Variants in F8 observed in about 807,000 individuals in gnomAD.
The protein encoded by F8 is antihemophilic factor.
A neutral mutation model predicts 140.6 loss-of-function variants in F8; 12 were observed. That is an observed-to-expected ratio of 0.09 (90% CI 0.05 to 0.14). The LOEUF (loss-of-function observed/expected upper bound fraction) is 0.14, where lower values mean the gene tolerates loss of function less well. Ranked by LOEUF, F8 falls within the 10% of genes least tolerant of loss-of-function variation. F8 has a pLI of 1.00. For missense variants in F8, 1,354 were observed against 1,720.7 expected (o/e 0.79, Z 3.77); for synonymous variants, 585 against 614.6 (o/e 0.95, Z 0.71).
chrX:154,899,775 T>C, intron 21 of F8, 91 bp downstream of exon 21: 3 of 876,963 alleles, frequency 3.4e-6, no homozygotes, highest in South Asian at 2.1e-5. Flanking sequence ...AGTTTTCTCA[T>C]ATTCATAGAA....
chrX:154,961,537 T>C (rs1245421101), intron 9 of F8, among the ~76,000 whole-genome samples: 1 of 112,231 alleles, frequency 8.9e-6, no homozygotes, highest in Non-Finnish European at 1.9e-5. Flanking sequence ...TTCTTTGTAT[T>C]ATTGTTTATT....
At chrX:154,922,609 C>T (rs1464863628) in intron 14 of F8, among the ~76,000 whole-genome samples, 1 of 112,158 alleles carries the variant, frequency 8.9e-6, no homozygotes, top group African/African-American at 3.2e-5. Context: ...GAAAGCCTCA[C>T]TGATAAAATG....
chrX:154,927,387 T>G (rs2073166710), intron 14 of F8, among the ~76,000 whole-genome samples: 1 of 111,786 alleles, frequency 8.9e-6, no homozygotes, highest in African/African-American at 3.3e-5. Context: ...GGAGCAACAT[T>G]TTTTATGAAG....
At chrX:154,857,193 C>T (rs2072657017) in intron 25 of F8, among the ~76,000 whole-genome samples, 1 of 111,799 alleles carries the variant, frequency 8.9e-6, no homozygotes, top group African/African-American at 3.3e-5. Flanking sequence ...GAATGCTTAG[C>T]CACAGACCAC....
chrX:154,945,216 A>T (rs915949600), intron 13 of F8, among the ~76,000 whole-genome samples: 2 of 111,316 alleles, frequency 1.8e-5, no homozygotes, highest in Non-Finnish European at 3.8e-5. Flanking sequence ...CTATCCCAAA[A>T]ATCAAGGGGG....
At chrX:155,021,137 G>C (rs892661564) in intron 1 of F8, among the ~76,000 whole-genome samples, 1 of 111,975 alleles carries the variant, frequency 8.9e-6, no homozygotes, top group Non-Finnish European at 1.9e-5. Flanking sequence ...AATTGACTTA[G>C]AGTTCTAGTA....
chrX:154,872,553 T>TG (rs1325794956), intron 22 of F8, among the ~76,000 whole-genome samples: 2 of 14,355 alleles, frequency 1.4e-4, no homozygotes, highest in Middle Eastern at 0.034. Flanking sequence ...TGTTGGGGGG[T>TG]GGGGGGCTAG....
intron 6 of F8, among the ~76,000 whole-genome samples, chrX:154,981,957 G>A (rs781816596): frequency 3.5e-4 from 39 of 111,583 alleles, no homozygotes; most frequent in Admixed American, 1.9e-3. Flanking sequence ...AGGCCAAGGC[G>A]GGCAGATCAC....
At chrX:155,009,122 G>A (rs28370196) in intron 1 of F8, among the ~76,000 whole-genome samples, 9 of 101,329 alleles carry the variant, frequency 8.9e-5, no homozygotes, top group East Asian at 6.1e-4. Flanking sequence ...TCGCTCTGTC[G>A]CCCAGGCCGG....
chrX:154,985,099 A>C (rs1393164675), intron 5 of F8, among the ~76,000 whole-genome samples: 2 of 112,279 alleles, frequency 1.8e-5, no homozygotes, highest in Admixed American at 1.9e-4. Flanking sequence ...ATCAGGATTC[A>C]ATTCTTTTTA....
At chrX:154,877,047 C>T (rs2072821944) in intron 22 of F8, among the ~76,000 whole-genome samples, 1 of 111,716 alleles carries the variant, frequency 9.0e-6, no homozygotes, top group Non-Finnish European at 1.9e-5. Flanking sequence ...AATGCCATTC[C>T]GTTTTATCAG....
In F8 at chrX:154,988,371, C is replaced by T. The variant is rs782229936; in HGVS notation, c.602-1066G>A. ...ATGTCTATGTTAACTTTTTAGAACA[C>T]TTCACAGTCTAGACCTCATGGTTAT... On this transcript the variant is annotated intron_variant, in intron 4 of 25. Transcript: ENST00000360256. Among the ~76,000 whole-genome samples, 7 of 112,018 alleles carry T rather than the reference C, an allele frequency of 6.2e-5. 1 individual carries two copies. The South Asian group carries it at 2.6e-3, about 42-fold the overall frequency.
intron 6 of F8, among the ~76,000 whole-genome samples, chrX:154,980,991 T>C (rs1557283487): frequency 8.9e-6 from 1 of 112,010 alleles, no homozygotes; most frequent in African/African-American, 3.2e-5. Context: ...GACTGGCTGT[T>C]GTATTTCCTT....
intron 9 of F8, among the ~76,000 whole-genome samples, chrX:154,963,718 T>C (rs1416263275): frequency 8.9e-6 from 1 of 112,302 alleles, no homozygotes; most frequent in Non-Finnish European, 1.9e-5. Context: ...ATTTTATCTT[T>C]GATCCATTTT....
At chrX:155,012,486 A>T (rs1434272429) in intron 1 of F8, among the ~76,000 whole-genome samples, 1 of 110,865 alleles carries the variant, frequency 9.0e-6, no homozygotes, top group Non-Finnish European at 1.9e-5. Context: ...AATGAAAAAA[A>T]ATTCTGTAGA....
chrX:154,841,768 T>C (rs2072523627), intron 25 of F8, among the ~76,000 whole-genome samples: 1 of 111,574 alleles, frequency 9.0e-6, no homozygotes, highest in African/African-American at 3.2e-5. Flanking sequence ...TTTTCTAATG[T>C]ATAAGCCAAA....
chrX:154,952,709 A>T (rs1362063923), intron 12 of F8, among the ~76,000 whole-genome samples: 1 of 110,119 alleles, frequency 9.1e-6, no homozygotes, highest in African/African-American at 3.3e-5. Context: ...TGCCCGGCTA[A>T]TTTTTTGTAT....
chrX:154,941,834 A>G (rs1351646586), intron 13 of F8, among the ~76,000 whole-genome samples: 1 of 108,350 alleles, frequency 9.2e-6, no homozygotes, highest in African/African-American at 3.4e-5. Context: ...CCACAGTGCA[A>G]TCAAACTAGA....
At chrX:154,873,256 T>C (rs1557273732) in intron 22 of F8, among the ~76,000 whole-genome samples, 2 of 107,562 alleles carry the variant, frequency 1.9e-5, no homozygotes, top group Non-Finnish European at 1.9e-5. Context: ...AGACAGAGTC[T>C]TGCTCTGTTG....
Sources: allele counts gnomAD v4.1 joint callset (sites outside exome capture counted in the v4.1 genomes callset), GRCh38; gene constraint gnomAD v4.1.1; transcripts MANE v1.5; gene names NCBI Gene and HGNC (gene_info 2026-07-23, HGNC 2026-07-21).